Variants in RAB6B observed in about 807,000 individuals in gnomAD.
RAB6B encodes the protein RAB6B, member RAS oncogene family.
In RAB6B, 7 loss-of-function variants were observed where a neutral mutation model predicts 31.2. The ratio of observed to expected loss-of-function variants is 0.22; its 90% CI spans 0.13 to 0.42. The LOEUF is 0.42. Ranked by LOEUF, RAB6B falls within the 10% of genes least tolerant of loss-of-function variation. The pLI is 1.00. For synonymous variants in RAB6B, 105 were observed against 104.9 expected (o/e 1.00, Z -0.01); for missense variants, 149 against 280.6 (o/e 0.53, Z 3.35).
In RAB6B at chr3:133,828,441, AC is replaced by A; in HGVS notation, c.*346del. 4 of 386,868 alleles carry A rather than the reference AC, an allele frequency of 1.0e-5. No individual in the cohort carries two copies. The South Asian group carries it at 1.2e-4, about 12-fold the overall frequency. 24.0% of individuals were successfully genotyped at this position (386,868 alleles called of 1,614,324 possible). A position where few individuals can be genotyped will look rare whatever the true frequency, so the allele number is the denominator to read the frequency against. ...TCTATAAGTTTACAAATATACAAAA[AC>A]AAAAAGCACATCTTTCAAATAAAAA... is the stretch of plus-strand genomic sequence containing the variant. On this transcript the variant is annotated 3_prime_UTR_variant, in exon 8 of 8. Coordinates refer to ENST00000285208, the MANE Select transcript of RAB6B (RefSeq NM_016577.4).
chr3:133,894,762 AG>A (rs768299721), intron 1 of RAB6B: 1 of 152,394 alleles, frequency 6.6e-6, no homozygotes, highest in Non-Finnish European at 1.5e-5. Flanking sequence ...TTCTGTGCCC[AG>A]TCGGACGTGA....
chr3:133,827,746 A>AACCCCCCCC lies in RAB6B; in HGVS notation c.*1041_*1042insGGGGGGGGT. The AACCCCCCCC allele has an allele frequency of 1.4e-5, 1 of 72,114 alleles. No individual in the cohort carries two copies. The highest frequency in any genetic ancestry group is 1.2e-4 in the South Asian group (1 of 8,432). The allele number at this position is 72,114 out of a possible 1,614,324, so 4.5% of individuals were successfully genotyped here. ...TCAAGGTGGTGGTTCTGCAGACAAC[A>AACCCCCCCC]CCCCCCCCCCCCCCCGCCTCCCCAT... On this transcript the variant is annotated 3_prime_UTR_variant, in exon 8 of 8. Transcript: ENST00000285208.
chr3:133,839,027 C>T (rs1002442763), intron 5 of RAB6B, among the ~76,000 whole-genome samples: 2 of 152,256 alleles, frequency 1.3e-5, no homozygotes, highest in Admixed American at 1.3e-4. Context: ...AGCCACAAAC[C>T]AGGCTAAGCA....
chr3:133,857,740 C>T (rs1204855470), intron 2 of RAB6B, among the ~76,000 whole-genome samples: 1 of 152,222 alleles, frequency 6.6e-6, no homozygotes, highest in Admixed American at 6.5e-5. Context: ...CATTACCTCC[C>T]ACTGGACTCT....
chr3:133,855,899 G>A (rs1275119264), intron 2 of RAB6B, among the ~76,000 whole-genome samples: 3 of 152,124 alleles, frequency 2.0e-5, no homozygotes, highest in Admixed American at 1.3e-4. Context: ...AGAGGCTAAC[G>A]GTAATGGTGT....
At chr3:133,890,454 A>C (rs1048094025) in intron 1 of RAB6B, among the ~76,000 whole-genome samples, 1 of 152,040 alleles carries the variant, frequency 6.6e-6, no homozygotes, top group Non-Finnish European at 1.5e-5. Context: ...AAAATACAAA[A>C]ATTAGCCGGG....
chr3:133,857,426 GAAAA>G lies in RAB6B; in HGVS notation c.129+7154_129+7157del, dbSNP rs71136497. Among the ~76,000 whole-genome samples, 678 of 119,822 alleles carry G rather than the reference GAAAA, an allele frequency of 5.7e-3. 2 individuals are homozygous for G. Among genetic ancestry groups the G allele is most frequent in the Middle Eastern group, 8.7e-3 (2 of 230 alleles). 78.6% of individuals were successfully genotyped at this position (119,822 alleles called of 152,430 possible). On this transcript the variant is annotated intron_variant, in intron 2 of 7. Coordinates refer to ENST00000285208, the MANE Select transcript of RAB6B (RefSeq NM_016577.4). ...TTAAACCTAGGCCTCTTTTTGAAGG[GAAAA>G]AAAAAAAAAAAAAAAAAAGGACTGA...
At chr3:133,844,941 T>G (rs945656493) in intron 2 of RAB6B, among the ~76,000 whole-genome samples, 1 of 53,188 alleles carries the variant, frequency 1.9e-5, no homozygotes, top group African/African-American at 4.9e-5. Context: ...AGACCCTGGC[T>G]CAAAAGAAAA....
In RAB6B at chr3:133,828,042, G is replaced by C; in HGVS notation, c.*746C>G. 1 of 701,240 alleles carries C rather than the reference G, an allele frequency of 1.4e-6. No individual in the cohort carries two copies. Among genetic ancestry groups the C allele is most frequent in the Non-Finnish European group, 2.6e-6 (1 of 384,060 alleles). 43.4% of individuals were successfully genotyped at this position (701,240 alleles called of 1,614,324 possible). On this transcript the variant is annotated 3_prime_UTR_variant, in exon 8 of 8. Transcript: ENST00000285208. ...GTCCCTGAGGGCACAGAGAACACAAGGTTGCCTGTACCCTCAACCCCCTTC... is the reference window on the plus strand; with the variant it reads ...GTCCCTGAGGGCACAGAGAACACAACGTTGCCTGTACCCTCAACCCCCTTC...
intron 2 of RAB6B, among the ~76,000 whole-genome samples, chr3:133,851,614 C>A (rs2107996571): frequency 6.6e-6 from 1 of 152,212 alleles, no homozygotes; most frequent in East Asian, 1.9e-4. Context: ...AGGCAGGACT[C>A]CATGGGTGTG....
chr3:133,857,224 C>A (rs1017977784), intron 2 of RAB6B, among the ~76,000 whole-genome samples: 3 of 152,068 alleles, frequency 2.0e-5, no homozygotes, highest in Non-Finnish European at 4.4e-5. Flanking sequence ...CCTATATGAG[C>A]CATAGTTCAA....
intron 1 of RAB6B, among the ~76,000 whole-genome samples, chr3:133,870,925 G>A (rs1383238646): frequency 2.0e-5 from 3 of 152,232 alleles, no homozygotes; most frequent in African/African-American, 7.2e-5. Context: ...AATGCAGGGT[G>A]CACTGGATGC....
At chr3:133,836,017 G>T (rs569422928) in intron 6 of RAB6B, among the ~76,000 whole-genome samples, 1 of 152,338 alleles carries the variant, frequency 6.6e-6, no homozygotes, top group East Asian at 1.9e-4. Flanking sequence ...TGAATTGCAG[G>T]AACTGGGTGG....
intron 1 of RAB6B, among the ~76,000 whole-genome samples, chr3:133,877,741 ATAT>A (rs1371115074): frequency 2.0e-5 from 3 of 148,792 alleles, no homozygotes; most frequent in East Asian, 1.9e-4. Context: ...TAGTTATTAT[ATAT>A]TATAACTGTT....
chr3:133,840,045 G>A (rs1199228616), intron 4 of RAB6B, among the ~76,000 whole-genome samples: 2 of 152,088 alleles, frequency 1.3e-5, no homozygotes, highest in Non-Finnish European at 1.5e-5. Flanking sequence ...CAGTGAGGGT[G>A]GGCAGAGGAG....
Position 133,824,926 on chromosome 3 carries a change from G to A in RAB6B, c.*3862C>T, listed in dbSNP as rs773429833. ...GTTCTGATCACTCCTAACTTGCTGGGTGATCTTAATAAGCAAGTTGCCCTT... is the reference window on the plus strand; with the variant it reads ...GTTCTGATCACTCCTAACTTGCTGGATGATCTTAATAAGCAAGTTGCCCTT... On this transcript the variant is annotated 3_prime_UTR_variant, in exon 8 of 8. Transcript: ENST00000285208. 2 of 152,106 alleles carry A rather than the reference G, an allele frequency of 1.3e-5. No individual in the cohort carries two copies. Among genetic ancestry groups the A allele is most frequent in the Non-Finnish European group, 2.9e-5 (2 of 68,014 alleles). The allele number at this position is 152,106 out of a possible 1,614,324, so 9.4% of individuals were successfully genotyped here.
intron 1 of RAB6B, among the ~76,000 whole-genome samples, chr3:133,886,397 G>A (rs1936547849): frequency 6.6e-6 from 1 of 152,194 alleles, no homozygotes; most frequent in African/African-American, 2.4e-5. Flanking sequence ...TAACCCCAAT[G>A]CTGCAAAGCC....
At chr3:133,850,584 A>C (rs1935969902) in intron 2 of RAB6B, among the ~76,000 whole-genome samples, 1 of 152,200 alleles carries the variant, frequency 6.6e-6, no homozygotes, top group Non-Finnish European at 1.5e-5. Flanking sequence ...ATAGTCAGTG[A>C]ACTTGAAAAT....
Position 133,825,078 on chromosome 3 carries a change from A to T in RAB6B, c.*3710T>A, listed in dbSNP as rs1407996078. 1 of 152,076 alleles carries T rather than the reference A, an allele frequency of 6.6e-6. No homozygotes were observed. Among genetic ancestry groups the T allele is most frequent in the Non-Finnish European group, 1.5e-5 (1 of 68,016 alleles). The allele number at this position is 152,076 out of a possible 1,614,324, so 9.4% of individuals were successfully genotyped here. ...CAGTTCGGAAACGAGTGTGCGCACA[A>T]TCTGCTCGGTTGATGCACACAGACA... is the stretch of plus-strand genomic sequence containing the variant. On this transcript the variant is annotated 3_prime_UTR_variant, in exon 8 of 8. Coordinates refer to ENST00000285208, the MANE Select transcript of RAB6B (RefSeq NM_016577.4).
Sources: gnomAD v4.1 joint callset for allele counts (sites outside exome capture counted in the v4.1 genomes callset) on GRCh38, gnomAD v4.1.1 for gene constraint, MANE v1.5 for transcripts, NCBI Gene and HGNC (gene_info 2026-07-23, HGNC 2026-07-21) for gene names.